CTCF: variants seen among roughly 807,000 people sequenced by gnomAD.
CTCF encodes the protein transcriptional repressor CTCF.
CTCF carries 7 observed loss-of-function variants against 72.3 expected under a neutral mutation model. That is an observed-to-expected ratio of 0.10 (90% CI 0.06 to 0.18). The LOEUF is 0.18. Among genes scored for constraint, CTCF ranks in the 10% least tolerant of loss-of-function variants. The pLI is 1.00. For missense variants in CTCF, 516 were observed against 949.1 expected, an observed-to-expected ratio of 0.54 and a Z score of 6.00; for synonymous variants, 374 against 315.8, an observed-to-expected ratio of 1.18 and a Z score of -1.95.
chr16:67,576,833 T>C (rs1301580856), intron 2 of CTCF, among the ~76,000 whole-genome samples: 1 of 152,110 alleles, frequency 6.6e-6, no homozygotes, highest in East Asian at 1.9e-4. Context: ...CCTGGCCTTA[T>C]AATAGAATGT....
At chr16:67,617,327 G>A (rs2052144919) in intron 5 of CTCF, among the ~76,000 whole-genome samples, 1 of 151,982 alleles carries the variant, frequency 6.6e-6, no homozygotes, top group African/African-American at 2.4e-5. Context: ...GTGAAACCCT[G>A]TCTCTACTAA....
intron 11 of CTCF, 76 bp from the exon 12 acceptor site, chr16:67,637,612 C>T (rs556991306): frequency 1.6e-6 from 2 of 1,244,820 alleles, no homozygotes; most frequent in East Asian, 2.3e-5. Flanking sequence ...ATCCCGTTCG[C>T]TGTCAGTCTA....
At chr16:67,613,039 A>G (rs766379664) in intron 4 of CTCF, among the ~76,000 whole-genome samples, 4 of 152,252 alleles carry the variant, frequency 2.6e-5, no homozygotes, top group Non-Finnish European at 4.4e-5. Flanking sequence ...TGATAATTCA[A>G]ACATTTATTT....
chr16:67,612,332 C>G (rs2052071764), intron 4 of CTCF: 1 of 399,740 alleles, frequency 2.5e-6, no homozygotes, highest in Non-Finnish European at 4.4e-6. Flanking sequence ...CACCCTCTCT[C>G]TTAAAAAAAA....
At chr16:67,589,653 G>A (rs1048553167) in intron 2 of CTCF, among the ~76,000 whole-genome samples, 1 of 152,124 alleles carries the variant, frequency 6.6e-6, no homozygotes, top group Non-Finnish European at 1.5e-5. Context: ...TCGTGCAGAA[G>A]ACAAAGCTTA....
chr16:67,625,677 C>A (rs538361695), intron 7 of CTCF, among the ~76,000 whole-genome samples: 28 of 152,172 alleles, frequency 1.8e-4, no homozygotes, highest in Non-Finnish European at 3.4e-4. Context: ...ATTCCTACTC[C>A]AGATCTTTCT....
chr16:67,628,174 C>G (rs1786286869), intron 8 of CTCF, among the ~76,000 whole-genome samples, 196 bp from the exon 9 acceptor site: 1 of 152,148 alleles, frequency 6.6e-6, no homozygotes, highest in South Asian at 2.1e-4. Context: ...AAGCCATGAT[C>G]ACACCACTGC....
intron 4 of CTCF, chr16:67,616,495 A>G (rs2052133411): frequency 2.2e-6 from 1 of 457,238 alleles, no homozygotes; most frequent in Non-Finnish European, 4.0e-6. Flanking sequence ...ATTGTATTCA[A>G]AGGCAGCGGA....
chr16:67,566,206 A>G (rs1297991185), intron 1 of CTCF, among the ~76,000 whole-genome samples: 2 of 152,080 alleles, frequency 1.3e-5, no homozygotes, highest in East Asian at 3.9e-4. Flanking sequence ...ATGGTTCTCA[A>G]TTGATGTGAT....
At chr16:67,623,954 A>G (rs1345260090) in intron 7 of CTCF, among the ~76,000 whole-genome samples, 1 of 151,050 alleles carries the variant, frequency 6.6e-6, no homozygotes, top group Non-Finnish European at 1.5e-5. Context: ...AGGCTGAGGC[A>G]GGAGAATTGC....
chr16:67,633,422 T>C (rs901639909), intron 10 of CTCF, among the ~76,000 whole-genome samples: 1 of 152,190 alleles, frequency 6.6e-6, no homozygotes, highest in African/African-American at 2.4e-5. Flanking sequence ...TTCCTCACTT[T>C]CATGTACCAC....
chr16:67,590,091 AAAAG>A (rs2051719500), intron 2 of CTCF, among the ~76,000 whole-genome samples: 1 of 152,114 alleles, frequency 6.6e-6, no homozygotes, highest in Admixed American at 6.6e-5. Flanking sequence ...CCGTCTCAAA[AAAAG>A]AAAAAGAACA....
intron 2 of CTCF, among the ~76,000 whole-genome samples, chr16:67,582,206 G>A (rs1270678622): frequency 6.9e-6 from 1 of 144,082 alleles, no homozygotes. Flanking sequence ...GCAAGACTCC[G>A]TCTCAAAAAA....
chr16:67,574,687 C>G (rs2051471533), intron 2 of CTCF, among the ~76,000 whole-genome samples: 3 of 84,096 alleles, frequency 3.6e-5, no homozygotes, highest in Non-Finnish European at 4.3e-5. Context: ...GAGATGGAGT[C>G]TTGCTCTGTT....
intron 2 of CTCF, among the ~76,000 whole-genome samples, chr16:67,608,018 C>CAAAA (rs549111284): frequency 3.8e-5 from 4 of 105,830 alleles, no homozygotes; most frequent in African/African-American, 1.6e-4. Flanking sequence ...GACTCCGACT[C>CAAAA]AAAAAAAAAA....
chr16:67,580,004 A>G (rs1006761931), intron 2 of CTCF, among the ~76,000 whole-genome samples: 3 of 152,260 alleles, frequency 2.0e-5, no homozygotes, highest in Admixed American at 6.5e-5. Flanking sequence ...TGGTGGTTTC[A>G]GAAGGGAAGT....
chr16:67,592,715 A>G (rs920966366), intron 2 of CTCF, among the ~76,000 whole-genome samples: 3 of 151,336 alleles, frequency 2.0e-5, no homozygotes, highest in Non-Finnish European at 4.4e-5. Flanking sequence ...AAAAACAACA[A>G]CATCAAAAAA....
rs541952611 is a variant in CTCF, at chr16:67,611,952, T to C, written c.783T>C (p.Gly261=). ...GTAAGTGTTTTATTTTGCACATAGG[T>C]GTAAAGAAGACATTCCAGTGTGAGC... ...PPKPTKIKKK[G]VKKTFQCELC... Residue 261 remains glycine, a splice_region_variant and synonymous_variant, in exon 4 of 12, where the codon GGT becomes GGC. Coordinates refer to ENST00000264010, the MANE Select transcript of CTCF (RefSeq NM_006565.4). 23 of 1,613,842 alleles carry C rather than the reference T, an allele frequency of 1.4e-5. No homozygotes were observed. In the South Asian group the frequency reaches 2.5e-4, roughly 18 times the overall value.
intron 2 of CTCF, among the ~76,000 whole-genome samples, chr16:67,600,840 T>A (rs1483640620): frequency 6.6e-6 from 1 of 152,012 alleles, no homozygotes; most frequent in Non-Finnish European, 1.5e-5. Context: ...GGAAAAAAAA[T>A]GTGTCCTGTA....
Sources: allele counts gnomAD v4.1 joint callset (sites outside exome capture counted in the v4.1 genomes callset), GRCh38; gene constraint gnomAD v4.1.1; transcripts MANE v1.5; gene names NCBI Gene and HGNC (gene_info 2026-07-23, HGNC 2026-07-21).